The following ADTRP variants were observed in gnomAD, a reference collection of about 807,000 sequenced individuals.
ADTRP encodes androgen-dependent TFPI-regulating protein.
Under a neutral mutation model 27.0 loss-of-function variants are expected in ADTRP, and 20 were observed. That is an observed-to-expected ratio of 0.74 (90% CI 0.52 to 1.08). ADTRP has a LOEUF of 1.08. ADTRP is among the 50% of genes least tolerant of loss of function. The probability of loss-of-function intolerance (pLI) is 0.00; values close to 1 mark genes in which losing one functional copy is unlikely to be tolerated. For missense variants in ADTRP, 251 were observed against 275.0 expected (o/e 0.91, Z 0.62); for synonymous variants, 101 against 105.2 (o/e 0.96, Z 0.25).
At chr6:11,758,640 G>A (rs1210539587) in intron 3 of ADTRP, among the ~76,000 whole-genome samples, 1 of 150,224 alleles carries the variant, frequency 6.7e-6, no homozygotes, top group Admixed American at 6.6e-5. Flanking sequence ...AATGGGTGCA[G>A]CACACCAACA....
intron 5 of ADTRP, among the ~76,000 whole-genome samples, chr6:11,722,030 TAG>T (rs953184540): frequency 4.6e-5 from 7 of 151,736 alleles, no homozygotes; most frequent in South Asian, 2.1e-4. Flanking sequence ...TAAATATATA[TAG>T]AGAGAGAGAG....
At chr6:11,758,725 AAAAT>A (rs1001846259) in intron 3 of ADTRP, among the ~76,000 whole-genome samples, 1 of 151,776 alleles carries the variant, frequency 6.6e-6, no homozygotes, top group Non-Finnish European at 1.5e-5. Flanking sequence ...TAATAATAAT[AAAAT>A]AAATAAATAA....
intron 3 of ADTRP, among the ~76,000 whole-genome samples, chr6:11,739,427 C>A (rs1451510375): frequency 6.6e-6 from 1 of 152,176 alleles, no homozygotes; most frequent in African/African-American, 2.4e-5. Context: ...CTTCTCCCAT[C>A]CTTTTCTACT....
chr6:11,749,700 G>T (rs1051229088), intron 3 of ADTRP, among the ~76,000 whole-genome samples: 2 of 152,032 alleles, frequency 1.3e-5, no homozygotes, highest in African/African-American at 4.8e-5. Context: ...GGAAGATGGG[G>T]GCAAAAACAG....
At chr6:11,762,900 C>A (rs1763438633) in intron 3 of ADTRP, among the ~76,000 whole-genome samples, 1 of 152,158 alleles carries the variant, frequency 6.6e-6, no homozygotes, top group South Asian at 2.1e-4. Context: ...TACTGAGAGT[C>A]CTCTTACTGC....
chr6:11,757,845 C>T (rs1178075379), intron 3 of ADTRP, among the ~76,000 whole-genome samples: 1 of 152,188 alleles, frequency 6.6e-6, no homozygotes, highest in East Asian at 1.9e-4. Flanking sequence ...CTGCCAGCAC[C>T]TTGGTTTCGG....
At chr6:11,752,422 T>A (rs1180640624) in intron 3 of ADTRP, among the ~76,000 whole-genome samples, 1 of 152,108 alleles carries the variant, frequency 6.6e-6, no homozygotes, top group Non-Finnish European at 1.5e-5. Context: ...AATTTTAAGG[T>A]CATGGATCAA....
intron 3 of ADTRP, chr6:11,738,445 C>T (rs1432802925): frequency 6.6e-6 from 1 of 152,330 alleles, no homozygotes. Flanking sequence ...TGTCTCCTGG[C>T]ACAGCCACCT....
chr6:11,762,970 G>A (rs1763440608), intron 3 of ADTRP, among the ~76,000 whole-genome samples: 1 of 152,192 alleles, frequency 6.6e-6, no homozygotes, highest in African/African-American at 2.4e-5. Context: ...GACCTGAGGA[G>A]TTAATGTTTT....
chr6:11,751,094 AC>A (rs1489505843), intron 3 of ADTRP, among the ~76,000 whole-genome samples: 1 of 152,116 alleles, frequency 6.6e-6, no homozygotes, highest in Non-Finnish European at 1.5e-5. Context: ...CAAGCAATCC[AC>A]CCGGCTCAGC....
chr6:11,729,791 GA>G (rs1233111532), intron 4 of ADTRP, among the ~76,000 whole-genome samples: 21 of 152,240 alleles, frequency 1.4e-4, no homozygotes, highest in East Asian at 3.8e-4. Flanking sequence ...CTAGATATGG[GA>G]TATTAAACTG....
intron 1 of ADTRP, among the ~76,000 whole-genome samples, chr6:11,776,390 A>G (rs559195463): frequency 6.6e-6 from 1 of 152,328 alleles, no homozygotes; most frequent in Non-Finnish European, 1.5e-5. Context: ...CAAGGTAGAA[A>G]TATAGACAGT....
intron 1 of ADTRP, among the ~76,000 whole-genome samples, chr6:11,777,465 T>TGC (rs1171854935): frequency 1.5e-5 from 2 of 133,132 alleles, no homozygotes; most frequent in Non-Finnish European, 3.3e-5. Context: ...TGTGTGTGTA[T>TGC]GCGCGTGTGT....
intron 3 of ADTRP, among the ~76,000 whole-genome samples, chr6:11,754,088 T>A (rs1321325520): frequency 6.6e-6 from 1 of 152,160 alleles, no homozygotes; most frequent in Non-Finnish European, 1.5e-5. Context: ...ATCCCTAAGA[T>A]CAGTGATCTG....
At chr6:11,775,516 C>T (rs998246264) in intron 1 of ADTRP, among the ~76,000 whole-genome samples, 1 of 152,100 alleles carries the variant, frequency 6.6e-6, no homozygotes. Context: ...GAAATACCAC[C>T]TCTCCCTCCC....
rs544507529 is a variant in ADTRP, at chr6:11,778,774, G to A, written c.-15C>T. 1.4e-5 allele frequency: 23 copies of A among 1,611,070 alleles called. No individual in the cohort carries two copies. The highest frequency in any genetic ancestry group is 8.4e-5 in the Admixed American group (5 of 59,810). ...GTCTTCGTCATGGCGAGTGCTGACCGGGGCACCGTGAATGTCTTGAGTACT... is the reference window on the plus strand; with the variant it reads ...GTCTTCGTCATGGCGAGTGCTGACCAGGGCACCGTGAATGTCTTGAGTACT... On this transcript the variant is annotated 5_prime_UTR_variant, in exon 1 of 6. Transcript: ENST00000414691.
intron 3 of ADTRP, among the ~76,000 whole-genome samples, chr6:11,763,104 T>C (rs960533361): frequency 4.6e-5 from 7 of 152,206 alleles, no homozygotes; most frequent in African/African-American, 1.7e-4. Context: ...CCACGGTGGA[T>C]GCAAATATCT....
At chr6:11,732,256 CT>C (rs2113894635) in intron 4 of ADTRP, among the ~76,000 whole-genome samples, 1 of 152,204 alleles carries the variant, frequency 6.6e-6, no homozygotes, top group East Asian at 1.9e-4. Flanking sequence ...CGGTGAAATG[CT>C]TCTCCAGCTC....
intron 3 of ADTRP, chr6:11,736,578 G>T: frequency 6.5e-6 from 1 of 152,690 alleles, no homozygotes. Flanking sequence ...CAGCATGCTC[G>T]CTCGCACTTC....
Sources: gnomAD v4.1 joint callset for allele counts (sites outside exome capture counted in the v4.1 genomes callset) on GRCh38, gnomAD v4.1.1 for gene constraint, MANE v1.5 for transcripts, NCBI Gene and HGNC (gene_info 2026-07-23, HGNC 2026-07-21) for gene names.